Variants in PEX13 observed in about 807,000 individuals in gnomAD.
PEX13 encodes peroxisome biogenesis factor 13.
A neutral mutation model predicts 34.5 loss-of-function variants in PEX13; 28 were observed. That is an observed-to-expected ratio of 0.81 (90% CI 0.60 to 1.11). The LOEUF is 1.11. PEX13 is among the 50% of genes most tolerant of loss of function. The pLI is 0.00. For missense variants in PEX13, 550 were observed against 491.0 expected, an observed-to-expected ratio of 1.12 and a Z score of -1.13; for synonymous variants, 177 against 175.1, an observed-to-expected ratio of 1.01 and a Z score of -0.09.
chr2:61,050,911 G>T lies in PEX13; in HGVS notation c.*2141G>T, dbSNP rs751834841. 1 of 152,222 alleles carries T rather than the reference G, an allele frequency of 6.6e-6. No homozygotes were observed. The highest frequency in any genetic ancestry group is 1.5e-5 in the Non-Finnish European group (1 of 68,050). 9.4% of individuals were successfully genotyped at this position (152,222 alleles called of 1,614,324 possible). ...GTTGGGATTACAGGCGTGAGCCACC[G>T]CACCCAGCGATTTAGTATTTTTTTC... is the stretch of plus-strand genomic sequence containing the variant. On this transcript the variant is annotated 3_prime_UTR_variant, in exon 4 of 4. Transcript: ENST00000295030.
chr2:61,046,515 G>A (rs927764160), intron 3 of PEX13, among the ~76,000 whole-genome samples: 3 of 152,092 alleles, frequency 2.0e-5, no homozygotes, highest in Non-Finnish European at 4.4e-5. Context: ...GTTGATAAAG[G>A]TACTAATAAC....
chr2:61,040,103 A>C (rs148634900), intron 2 of PEX13, among the ~76,000 whole-genome samples: 3,191 of 152,230 alleles, frequency 0.021, 108 homozygotes, highest in African/African-American at 0.072. Flanking sequence ...GCTGGAGAGG[A>C]TGTGGAGAAA....
intron 2 of PEX13, among the ~76,000 whole-genome samples, chr2:61,034,564 C>A (rs1465243555): frequency 6.6e-6 from 1 of 152,186 alleles, no homozygotes; most frequent in Non-Finnish European, 1.5e-5. Context: ...CAAGGGAAGC[C>A]ATGAGTGACT....
chr2:61,045,053 C>T (rs1251016055), intron 2 of PEX13, among the ~76,000 whole-genome samples: 1 of 152,074 alleles, frequency 6.6e-6, no homozygotes, highest in Non-Finnish European at 1.5e-5. Context: ...TGGTAAAAGG[C>T]AAATATCAAG....
chr2:61,018,134 C>T, intron 1 of PEX13: 3 of 1,549,666 alleles, frequency 1.9e-6, no homozygotes, highest in Non-Finnish European at 2.6e-6. Flanking sequence ...CGGCTTCCTA[C>T]CTACCGCTTC....
chr2:61,044,828 G>A (rs1392932103), intron 2 of PEX13, among the ~76,000 whole-genome samples: 5 of 152,214 alleles, frequency 3.3e-5, no homozygotes, highest in African/African-American at 1.2e-4. Flanking sequence ...CTCTCAGACT[G>A]TCAGAAGTTA....
chr2:61,018,457 T>C, intron 1 of PEX13: 1 of 820,324 alleles, frequency 1.2e-6, no homozygotes, highest in Non-Finnish European at 1.8e-6. Context: ...AGTGTATTTT[T>C]CTGAGGCCTG....
chr2:61,031,705 A>T lies in PEX13; in HGVS notation c.379A>T (p.Arg127Trp), dbSNP rs1224323223. 6.2e-7 allele frequency: 1 copy of T among 1,614,234 alleles called. No individual in the cohort carries two copies. The highest frequency in any genetic ancestry group is 1.1e-5 in the South Asian group (1 of 91,082). ...RFVQQAEESS[R>W]GAFQSIESIV... ...TGTTCAGCAAGCTGAAGAAAGCAGC[A>T]GGGGTGCATTTCAGTCCATTGAAAG... Residue 127 changes from arginine to tryptophan, a missense_variant, in exon 2 of 4, where the codon AGG becomes TGG. Physicochemically the swap from Arg to Trp is moderately radical, Grantham distance 101. Coordinates refer to ENST00000295030, the MANE Select transcript of PEX13 (RefSeq NM_002618.4).
chr2:61,024,077 A>C (rs1454427332), intron 1 of PEX13, among the ~76,000 whole-genome samples: 1 of 152,166 alleles, frequency 6.6e-6, no homozygotes, highest in Non-Finnish European at 1.5e-5. Context: ...GATTACAGGC[A>C]TGAGCCACCA....
chr2:61,040,111 A>C (rs1680597685), intron 2 of PEX13, among the ~76,000 whole-genome samples: 2 of 152,168 alleles, frequency 1.3e-5, no homozygotes, highest in African/African-American at 4.8e-5. Context: ...GGATGTGGAG[A>C]AATAGGAATG....
chr2:61,044,809 T>A (rs1318671864), intron 2 of PEX13, among the ~76,000 whole-genome samples: 1 of 152,218 alleles, frequency 6.6e-6, no homozygotes, highest in African/African-American at 2.4e-5. Context: ...GTCACACTGC[T>A]TTATAGACCT....
At chr2:61,019,821 C>T (rs765649148) in intron 1 of PEX13, among the ~76,000 whole-genome samples, 17 of 152,058 alleles carry the variant, frequency 1.1e-4, no homozygotes, top group Non-Finnish European at 2.1e-4. Flanking sequence ...TTTGTAATTG[C>T]GCTCTTTACA....
chr2:61,018,146 G>A, intron 1 of PEX13: 3 of 1,550,404 alleles, frequency 1.9e-6, no homozygotes, highest in South Asian at 2.4e-5. Flanking sequence ...TACCGCTTCT[G>A]TTTTCACTTT....
Position 61,045,750 on chromosome 2 carries a change from A to C in PEX13, c.812A>C (p.Glu271Ala). ...GACAGCATCAACTGGGCAAGTGGTG[A>C]GGATGACCATGTAGTTGCCAGAGCA... Reference protein sequence around the residue: ...VTDSINWASGEDDHVVARAEY... With the variant: ...VTDSINWASGADDHVVARAEY... Residue 271 changes from glutamate to alanine, a missense_variant, in exon 3 of 4, where the codon GAG becomes GCG. Physicochemically the swap from Glu to Ala is moderately radical, Grantham distance 107 (BLOSUM62 -1). Coordinates refer to ENST00000295030, the MANE Select transcript of PEX13 (RefSeq NM_002618.4). The C allele has an allele frequency of 6.2e-7, 1 of 1,613,342 alleles. No individual in the cohort carries two copies. Among genetic ancestry groups the C allele is most frequent in the Non-Finnish European group, 8.5e-7 (1 of 1,179,290 alleles).
chr2:61,032,900 G>C (rs1166313295), intron 2 of PEX13, among the ~76,000 whole-genome samples: 1 of 152,182 alleles, frequency 6.6e-6, no homozygotes, highest in Non-Finnish European at 1.5e-5. Flanking sequence ...GATTTATTTG[G>C]TAGTTGTCCT....
At position 61,049,494 on chromosome 2, in the gene PEX13, C is replaced by G. The variant is rs1680761039; in HGVS notation, c.*724C>G. On this transcript the variant is annotated 3_prime_UTR_variant, in exon 4 of 4. Transcript: ENST00000295030. The stretch of plus-strand genomic sequence containing the variant: ...TCCCTTAATTATTTATCTCTTTAAG[C>G]CAGGCATGGTGGCTCACGCCTGTAA... 6.6e-6 allele frequency: 1 copy of G among 152,370 alleles called. No individual in the cohort carries two copies. Among genetic ancestry groups the G allele is most frequent in the Admixed American group, 6.5e-5 (1 of 15,274 alleles). The allele number at this position is 152,370 out of a possible 1,614,324, so 9.4% of individuals were successfully genotyped here. A position where few individuals can be genotyped will look rare whatever the true frequency, so the allele number is the denominator to read the frequency against.
chr2:61,025,457 C>T (rs564388250), intron 1 of PEX13, among the ~76,000 whole-genome samples: 11 of 152,136 alleles, frequency 7.2e-5, no homozygotes, highest in East Asian at 1.9e-4. Context: ...CACCCAGGTT[C>T]GAGTGATTCT....
chr2:61,047,349 G>A (rs769453845), intron 3 of PEX13, among the ~76,000 whole-genome samples: 78 of 152,020 alleles, frequency 5.1e-4, no homozygotes, highest in African/African-American at 1.8e-3. Context: ...AGAGACAGGC[G>A]TTCACCATGT....
chr2:61,026,887 A>G lies in PEX13; in HGVS notation c.93-4532A>G, dbSNP rs534644931. 8.6e-5 allele frequency among the ~76,000 whole-genome samples: 13 copies of G among 151,728 alleles called. No individual in the cohort carries two copies. In the South Asian group the frequency reaches 2.1e-3, roughly 24 times the overall value. On this transcript the variant is annotated intron_variant, in intron 1 of 3. Coordinates refer to ENST00000295030, the MANE Select transcript of PEX13 (RefSeq NM_002618.4). ...TTTCTTCATGTGTGTGGCATTTTTGAGATGGTCATTTTGAGTAGTAATTTT... is the reference window on the plus strand; with the variant it reads ...TTTCTTCATGTGTGTGGCATTTTTGGGATGGTCATTTTGAGTAGTAATTTT...
Sources: allele counts gnomAD v4.1 joint callset (sites outside exome capture counted in the v4.1 genomes callset), GRCh38; gene constraint gnomAD v4.1.1; transcripts MANE v1.5; gene names NCBI Gene and HGNC (gene_info 2026-07-23, HGNC 2026-07-21).